The following PPFIA2 variants were observed in gnomAD, a reference collection of about 807,000 sequenced individuals.
The protein encoded by PPFIA2 is PPFI scaffold protein A2.
In PPFIA2, 46 loss-of-function variants were observed where a neutral mutation model predicts 175.5. The observed-to-expected ratio is 0.26, with a 90% CI of 0.21 to 0.34. The LOEUF (loss-of-function observed/expected upper bound fraction) is 0.34, where lower values mean the gene tolerates loss of function less well. Ranked by LOEUF, PPFIA2 falls within the 10% of genes least tolerant of loss-of-function variation. PPFIA2 has a pLI of 1.00. For synonymous variants in PPFIA2, 568 were observed against 511.4 expected (o/e 1.11, Z -1.49); for missense variants, 1,179 against 1,506.1 (o/e 0.78, Z 3.60).
intron 4 of PPFIA2, among the ~76,000 whole-genome samples, chr12:81,541,975 T>C (rs758946459): frequency 3.9e-5 from 6 of 151,986 alleles, no homozygotes; most frequent in Non-Finnish European, 8.8e-5. Flanking sequence ...GAACTCATGT[T>C]CAGTTTAATA....
chr12:81,452,068 T>C (rs888585756), intron 5 of PPFIA2, among the ~76,000 whole-genome samples: 61 of 152,266 alleles, frequency 4.0e-4, no homozygotes, highest in African/African-American at 1.4e-3. Context: ...ACAGGTTCTA[T>C]GTGTATACAC....
At chr12:81,375,614 A>T in intron 10 of PPFIA2, 182 bp downstream of exon 10, 2 of 651,198 alleles carry the variant, frequency 3.1e-6, no homozygotes, top group Non-Finnish European at 5.2e-6. Context: ...TAAGATAAAT[A>T]ATTTATCTTT....
At chr12:81,525,342 C>G (rs542185701) in intron 4 of PPFIA2, among the ~76,000 whole-genome samples, 7 of 152,266 alleles carry the variant, frequency 4.6e-5, no homozygotes, top group African/African-American at 1.7e-4. Context: ...TCCCAAATCA[C>G]TTGCCTTTGG....
intron 4 of PPFIA2, among the ~76,000 whole-genome samples, chr12:81,580,446 A>G (rs993755168): frequency 1.3e-5 from 2 of 151,842 alleles, no homozygotes; most frequent in Non-Finnish European, 2.9e-5. Flanking sequence ...GCTGATTTGA[A>G]TAGCACGGTA....
intron 11 of PPFIA2, chr12:81,369,517 G>A (rs1338328986): frequency 1.2e-6 from 1 of 861,836 alleles, no homozygotes; most frequent in Non-Finnish European, 1.5e-6. Flanking sequence ...GAACTGCACA[G>A]ATGGTTGATT....
intron 3 of PPFIA2, among the ~76,000 whole-genome samples, chr12:81,701,087 C>G (rs116172756): frequency 6.6e-6 from 1 of 152,064 alleles, no homozygotes; most frequent in African/African-American, 2.4e-5. Flanking sequence ...CAGAATGAAA[C>G]GGCTTCCTTC....
rs755812985 is a variant in PPFIA2 at position 81,325,836 on chromosome 12, C to T, written c.2583G>A (p.Glu861=). 9 of 1,612,592 alleles carry T rather than the reference C, an allele frequency of 5.6e-6. No individual in the cohort carries two copies. The East Asian group carries it at 2.0e-4, about 36-fold the overall frequency. ...GFMETEAAAQ[E]SLGLGKLGTQ... is the part of the protein sequence containing the mutation. ...TTCCGAGTTTGCCTAACCCCAGGGACTCCTGAGCTGCAGCTTCAGTCTCCA... is the reference window on the plus strand; with the variant it reads ...TTCCGAGTTTGCCTAACCCCAGGGATTCCTGAGCTGCAGCTTCAGTCTCCA... The change falls in exon 22 of 33, where the codon GAG becomes GAA. Residue 861 remains glutamate (E), a synonymous_variant. Coordinates refer to ENST00000549396, the MANE Select transcript of PPFIA2 (RefSeq NM_003625.5).
intron 4 of PPFIA2, among the ~76,000 whole-genome samples, chr12:81,515,884 A>T (rs185241729): frequency 8.0e-4 from 121 of 152,072 alleles, no homozygotes; most frequent in Admixed American, 3.1e-3. Flanking sequence ...CTCACATTTG[A>T]TCATCTCTTA....
At chr12:81,589,917 GA>G (rs1301181885) in intron 4 of PPFIA2, among the ~76,000 whole-genome samples, 3 of 151,980 alleles carry the variant, frequency 2.0e-5, no homozygotes, top group African/African-American at 7.3e-5. Context: ...ACTCCTCACT[GA>G]AAATTCTTAA....
intron 4 of PPFIA2, among the ~76,000 whole-genome samples, chr12:81,529,687 T>TG: frequency 6.6e-6 from 1 of 151,976 alleles, no homozygotes; most frequent in Admixed American, 6.6e-5. Flanking sequence ...AATTTTTCAA[T>TG]GGGGGTTGGC....
At chr12:81,404,058 T>C (rs564437605) in intron 8 of PPFIA2, among the ~76,000 whole-genome samples, 28 of 152,262 alleles carry the variant, frequency 1.8e-4, no homozygotes, top group Admixed American at 1.8e-3. Context: ...AAAACAAGAA[T>C]TGAGGTTGCT....
At chr12:81,326,990 C>G (rs1053722882) in intron 21 of PPFIA2, among the ~76,000 whole-genome samples, 1 of 152,000 alleles carries the variant, frequency 6.6e-6, no homozygotes, top group Non-Finnish European at 1.5e-5. Flanking sequence ...CAGGACTCGA[C>G]CAAGATATGG....
chr12:81,727,063 G>T (rs1363485971), intron 3 of PPFIA2, among the ~76,000 whole-genome samples: 2 of 151,210 alleles, frequency 1.3e-5, no homozygotes, highest in African/African-American at 4.8e-5. Context: ...ACAGAGATTT[G>T]GCTTTTGTTG....
At chr12:81,463,130 A>G (rs1377591559) in intron 4 of PPFIA2, among the ~76,000 whole-genome samples, 1 of 152,142 alleles carries the variant, frequency 6.6e-6, no homozygotes, top group African/African-American at 2.4e-5. Flanking sequence ...GTAAATGTGC[A>G]TGATGGAATA....
chr12:81,602,446 T>G (rs756026609), intron 4 of PPFIA2, among the ~76,000 whole-genome samples: 3 of 148,024 alleles, frequency 2.0e-5, no homozygotes, highest in African/African-American at 5.3e-5. Flanking sequence ...AGAAAAAAGG[T>G]TGTGTTGTTG....
Position 81,353,121 on chromosome 12 carries a change from G to T in PPFIA2, c.1992C>A (p.Ile664=). The T allele has an allele frequency of 6.2e-7, 1 of 1,613,420 alleles. No homozygotes were observed. Among genetic ancestry groups the T allele is most frequent in the Non-Finnish European group, 8.5e-7 (1 of 1,179,478 alleles). Residue 664 remains isoleucine (I), a splice_region_variant and synonymous_variant, in exon 17 of 33, where the codon ATC becomes ATA. Transcript: ENST00000549396. ...TCATCAGTACTAATTGAAGTTACCT[G>T]ATTTCTTTGTTGATGGCATCCAATT... The part of the protein sequence containing the change: ...QEQLDAINKE[I]RLIQEEKEST...
intron 4 of PPFIA2, among the ~76,000 whole-genome samples, chr12:81,468,894 G>T (rs770929487): frequency 3.7e-4 from 56 of 151,678 alleles, no homozygotes; most frequent in Non-Finnish European, 6.5e-4. Context: ...GTTTATCACT[G>T]GGGGGTGGGG....
intron 21 of PPFIA2, among the ~76,000 whole-genome samples, chr12:81,327,055 G>T (rs1383451209): frequency 6.6e-6 from 1 of 151,986 alleles, no homozygotes; most frequent in African/African-American, 2.4e-5. Context: ...AAATTTTGAT[G>T]TTACTGTTTT....
intron 8 of PPFIA2, among the ~76,000 whole-genome samples, chr12:81,402,207 T>C (rs1047599731): frequency 3.3e-5 from 5 of 152,204 alleles, no homozygotes; most frequent in African/African-American, 4.8e-5. Context: ...TCTATCAGTA[T>C]CTAATAATAG....
Sources: gnomAD v4.1 joint callset for allele counts (sites outside exome capture counted in the v4.1 genomes callset) on GRCh38, gnomAD v4.1.1 for gene constraint, MANE v1.5 for transcripts, NCBI Gene and HGNC (gene_info 2026-07-23, HGNC 2026-07-21) for gene names.